The following WWOX variants were observed in gnomAD, a reference collection of about 807,000 sequenced individuals.
WWOX encodes the protein WW domain containing oxidoreductase.
In WWOX, 69 loss-of-function variants were observed where a neutral mutation model predicts 46.2. The observed-to-expected ratio is 1.49, with a 90% confidence interval of 1.23 to 1.82. The LOEUF (loss-of-function observed/expected upper bound fraction) is 1.82, where lower values mean the gene tolerates loss of function less well. Ranked by LOEUF, WWOX falls within the 40% of genes most tolerant of loss-of-function variation. WWOX has a pLI of 0.00. For missense variants in WWOX, 919 were observed against 542.6 expected, an observed-to-expected ratio of 1.69 and a Z score of -6.89; for synonymous variants, 359 against 202.6, an observed-to-expected ratio of 1.77 and a Z score of -6.56.
At chr16:78,165,006 G>A (rs1163102721) in intron 5 of WWOX, among the ~76,000 whole-genome samples, 1 of 152,336 alleles carries the variant, frequency 6.6e-6, no homozygotes, top group East Asian at 1.9e-4. Context: ...TCTCTTAGCA[G>A]TGAGAAGAGC....
chr16:78,384,558 GTTGCCCTCT>G (rs764842101), intron 5 of WWOX, among the ~76,000 whole-genome samples: 20 of 152,176 alleles, frequency 1.3e-4, no homozygotes, highest in Non-Finnish European at 2.5e-4. Flanking sequence ...CTTGGTGGCA[GTTGCCCTCT>G]TTATAGGGGG....
At chr16:78,202,803 G>A (rs927589260) in intron 5 of WWOX, among the ~76,000 whole-genome samples, 56 of 135,304 alleles carry the variant, frequency 4.1e-4, no homozygotes, top group African/African-American at 1.6e-3. Flanking sequence ...TTTTTTCATT[G>A]CCTGGTGGGT....
chr16:78,175,905 C>T (rs895128422), intron 5 of WWOX, among the ~76,000 whole-genome samples: 10 of 152,132 alleles, frequency 6.6e-5, no homozygotes, highest in African/African-American at 2.4e-4. Context: ...TGTATACTTA[C>T]CCAGGAAGCT....
At chr16:78,422,730 T>TATAC (rs1276812043) in intron 6 of WWOX, among the ~76,000 whole-genome samples, 1 of 92,960 alleles carries the variant, frequency 1.1e-5, no homozygotes, top group African/African-American at 6.2e-5. Context: ...CATATATATA[T>TATAC]ACACACACAT....
intron 5 of WWOX, among the ~76,000 whole-genome samples, chr16:78,249,491 C>A (rs959477168): frequency 6.6e-6 from 1 of 152,194 alleles, no homozygotes; most frequent in Admixed American, 6.5e-5. Flanking sequence ...TTCCCTTAAT[C>A]CCCTTAATTT....
At chr16:78,351,840 C>T (rs908831097) in intron 5 of WWOX, among the ~76,000 whole-genome samples, 2 of 152,024 alleles carry the variant, frequency 1.3e-5, no homozygotes, top group African/African-American at 2.4e-5. Flanking sequence ...TATTTTTACT[C>T]GAGACGTAGT....
intron 8 of WWOX, among the ~76,000 whole-genome samples, chr16:78,443,135 C>CAAAAAA (rs759618827): frequency 2.5e-5 from 1 of 40,284 alleles, no homozygotes. Context: ...GACTCCATCT[C>CAAAAAA]AAAAAAAAAA....
At chr16:78,722,466 T>C (rs1228289218) in intron 8 of WWOX, among the ~76,000 whole-genome samples, 3 of 152,190 alleles carry the variant, frequency 2.0e-5, no homozygotes, top group Admixed American at 6.5e-5. Context: ...ATAGTTCCTG[T>C]CACATAGGAA....
chr16:79,136,047 C>T (rs1048429224), intron 8 of WWOX, among the ~76,000 whole-genome samples: 1 of 152,232 alleles, frequency 6.6e-6, no homozygotes, highest in African/African-American at 2.4e-5. Context: ...TTTTAACTTT[C>T]TATATTCAAA....
intron 8 of WWOX, among the ~76,000 whole-genome samples, chr16:79,047,413 T>A (rs905997815): frequency 6.6e-6 from 1 of 152,230 alleles, no homozygotes; most frequent in African/African-American, 2.4e-5. Context: ...CATTGGTTAA[T>A]TGATTAATTG....
intron 8 of WWOX, among the ~76,000 whole-genome samples, chr16:78,626,406 G>A (rs942676658): frequency 2.6e-5 from 4 of 152,212 alleles, no homozygotes; most frequent in African/African-American, 9.6e-5. Flanking sequence ...GCTTTGAGGA[G>A]TGCTGGTTGG....
chr16:78,977,269 G>C (rs1432741634), intron 8 of WWOX, among the ~76,000 whole-genome samples: 1 of 152,224 alleles, frequency 6.6e-6, no homozygotes, highest in Non-Finnish European at 1.5e-5. Context: ...GTTTGTCAGA[G>C]AGGTTCGAGC....
chr16:78,845,981 A>C (rs1274540493), intron 8 of WWOX, among the ~76,000 whole-genome samples: 3 of 152,196 alleles, frequency 2.0e-5, no homozygotes, highest in Non-Finnish European at 2.9e-5. Context: ...GGCCTAATCC[A>C]GTCTGAACCA....
intron 8 of WWOX, among the ~76,000 whole-genome samples, chr16:78,454,791 C>T (rs1449070888): frequency 1.3e-5 from 2 of 152,190 alleles, no homozygotes; most frequent in Admixed American, 6.5e-5. Flanking sequence ...GCCACCGTGC[C>T]CACCTGTGTT....
At chr16:78,124,130 G>C (rs1034709104) in intron 4 of WWOX, 1 of 151,682 alleles carries the variant, frequency 6.6e-6, no homozygotes, top group Non-Finnish European at 1.5e-5. Context: ...TTTTAAATGG[G>C]GACAAAAACG....
At chr16:78,602,220 C>G (rs1006930680) in intron 8 of WWOX, among the ~76,000 whole-genome samples, 1 of 152,116 alleles carries the variant, frequency 6.6e-6, no homozygotes, top group African/African-American at 2.4e-5. Context: ...TTCTCCTGTT[C>G]TCTTCTGGAT....
At chr16:78,719,237 C>T (rs1267495415) in intron 8 of WWOX, among the ~76,000 whole-genome samples, 1 of 152,198 alleles carries the variant, frequency 6.6e-6, no homozygotes. Context: ...AGCACACAGC[C>T]TGGCATACGA....
At chr16:78,659,058 C>G (rs1405405416) in intron 8 of WWOX, among the ~76,000 whole-genome samples, 2 of 150,612 alleles carry the variant, frequency 1.3e-5, no homozygotes, top group Non-Finnish European at 3.0e-5. Context: ...TGCCACTGCA[C>G]TCCAGCCTGG....
chr16:78,167,642 A>G (rs964059613), intron 5 of WWOX: 5 of 152,144 alleles, frequency 3.3e-5, no homozygotes, highest in Non-Finnish European at 5.9e-5. Context: ...TCTGTATGCC[A>G]TTATATTGTG....
Sources: gnomAD v4.1 joint callset for allele counts (sites outside exome capture counted in the v4.1 genomes callset) on GRCh38, gnomAD v4.1.1 for gene constraint, MANE v1.5 for transcripts, NCBI Gene and HGNC (gene_info 2026-07-23, HGNC 2026-07-21) for gene names.